Variants in PTCHD4 observed in about 807,000 individuals in gnomAD.
The protein encoded by PTCHD4 is patched domain containing 4.
In PTCHD4, 33 loss-of-function variants were observed where a neutral mutation model predicts 58.1. That is an observed-to-expected ratio of 0.57 (90% CI 0.43 to 0.76). The LOEUF (loss-of-function observed/expected upper bound fraction) is 0.76, where lower values mean the gene tolerates loss of function less well. Ranked by LOEUF, PTCHD4 falls within the 30% of genes least tolerant of loss-of-function variation. The probability of loss-of-function intolerance (pLI) is 0.00; values close to 1 mark genes in which losing one functional copy is unlikely to be tolerated. For missense variants in PTCHD4, 1,058 were observed against 1,027.1 expected, an observed-to-expected ratio of 1.03 and a Z score of -0.41; for synonymous variants, 478 against 409.6, an observed-to-expected ratio of 1.17 and a Z score of -2.02.
At position 47,878,190 on chromosome 6, in the gene PTCHD4, T is replaced by A. The variant is rs1763898214; in HGVS notation, c.*113A>T. The stretch of plus-strand genomic sequence containing the variant: ...AGTGTCATGAATAATGCACTCTTGA[T>A]CTGACTTGCCTTGTTACCCCTGGCC... On this transcript the variant is annotated 3_prime_UTR_variant, in exon 5 of 5. Transcript: ENST00000339488. 1.1e-6 allele frequency: 1 copy of A among 886,782 alleles called. No individual in the cohort carries two copies. The highest frequency in any genetic ancestry group is 1.7e-6 in the Non-Finnish European group (1 of 573,050). 54.9% of individuals were successfully genotyped at this position (886,782 alleles called of 1,614,324 possible). A position where few individuals can be genotyped will look rare whatever the true frequency, so the allele number is the denominator to read the frequency against.
In PTCHD4 at chr6:47,876,401, A is replaced by G. The variant is rs1763849269; in HGVS notation, c.*1902T>C. On this transcript the variant is annotated 3_prime_UTR_variant, in exon 5 of 5. Coordinates refer to ENST00000339488, the MANE Select transcript of PTCHD4 (RefSeq NM_001384253.1). ...GGTAAAACAAAACAAACTCCATTTA[A>G]TAAATGAAATATTACTTAAATGTTT... Among the ~76,000 whole-genome samples, 1 of 152,004 alleles carries G rather than the reference A, an allele frequency of 6.6e-6. No individual in the cohort carries two copies. The highest frequency in any genetic ancestry group is 2.1e-4 in the South Asian group (1 of 4,834).
At position 48,108,353 on chromosome 6, in the gene PTCHD4, A is replaced by C. The variant is rs528476139; in HGVS notation, c.-970+2696T>G. ...ATTCTCAGCAAACTATCGCAAGGAC[A>C]AAAAAACCAAACACCGCATGTTCTC... On this transcript the variant is annotated intron_variant, in intron 1 of 4. Coordinates refer to ENST00000339488, the MANE Select transcript of PTCHD4 (RefSeq NM_001384253.1). 4.6e-3 allele frequency among the ~76,000 whole-genome samples: 694 copies of C among 152,156 alleles called. 8 individuals are homozygous for C. The highest frequency in any genetic ancestry group is 0.016 in the African/African-American group (651 of 41,518).
At chr6:48,090,542 G>A (rs958603539) in intron 1 of PTCHD4, among the ~76,000 whole-genome samples, 1 of 152,098 alleles carries the variant, frequency 6.6e-6, no homozygotes, top group Admixed American at 6.5e-5. Flanking sequence ...ACTGAGACCT[G>A]CCTAATTCCA....
chr6:48,068,113 G>T lies in PTCHD4; in HGVS notation c.417+117C>A. ...CCCTGGCTGTTGTCTTATTGGAGAC[G>T]GCAGCCTGCCTGAGATCCTCTAGCA... On this transcript the variant is annotated intron_variant, in intron 3 of 4. Coordinates refer to ENST00000339488, the MANE Select transcript of PTCHD4 (RefSeq NM_001384253.1). The surrounding 1 kb of genome is among the most constrained non-coding windows in gnomAD (Gnocchi z 4.2). The T allele has an allele frequency of 8.8e-7, 1 of 1,133,796 alleles. No homozygotes were observed. Among genetic ancestry groups the T allele is most frequent in the Non-Finnish European group, 1.3e-6 (1 of 799,910 alleles). 70.2% of individuals were successfully genotyped at this position (1,133,796 alleles called of 1,614,324 possible).
chr6:47,959,999 A>G (rs1179312998), intron 4 of PTCHD4, among the ~76,000 whole-genome samples: 1 of 152,122 alleles, frequency 6.6e-6, no homozygotes, highest in Non-Finnish European at 1.5e-5. Context: ...AAAAAATATT[A>G]ACAATGTAGT....
At chr6:47,971,719 C>G (rs892736171) in intron 4 of PTCHD4, among the ~76,000 whole-genome samples, 2 of 152,090 alleles carry the variant, frequency 1.3e-5, no homozygotes, top group Non-Finnish European at 2.9e-5. Flanking sequence ...TCCATGTAAA[C>G]AAGAAGACTC....
intron 3 of PTCHD4, among the ~76,000 whole-genome samples, chr6:48,066,914 AG>A (rs1233723329): frequency 2.0e-5 from 3 of 152,050 alleles, no homozygotes; most frequent in Non-Finnish European, 4.4e-5. Flanking sequence ...CTCCTGAAAA[AG>A]GTTTTTTTTT....
intron 4 of PTCHD4, among the ~76,000 whole-genome samples, chr6:47,908,207 G>A (rs1286366522): frequency 6.6e-6 from 1 of 152,034 alleles, no homozygotes; most frequent in Non-Finnish European, 1.5e-5. Flanking sequence ...TCTAAAGAGG[G>A]ACTCAGCTAA....
chr6:47,996,403 A>C (rs1039373670), intron 4 of PTCHD4, among the ~76,000 whole-genome samples: 25 of 150,130 alleles, frequency 1.7e-4, no homozygotes, highest in Admixed American at 1.6e-3. Flanking sequence ...TGAACCCGGG[A>C]GGCAGGGCTT....
Position 47,999,982 on chromosome 6 carries a change from G to A in PTCHD4, c.898+8652C>T, listed in dbSNP as rs551521087. On this transcript the variant is annotated intron_variant, in intron 4 of 4. Transcript: ENST00000339488. ...TGCCCATCTGTGTTTTCTATACTCC[G>A]TGCTGTTGGCTAGCCAATAGAATGT... Among the ~76,000 whole-genome samples the A allele has an allele frequency of 8.5e-4, 130 of 152,162 alleles. 1 individual carries two copies. Among genetic ancestry groups the A allele is most frequent in the African/African-American group, 2.7e-3 (113 of 41,524 alleles).
rs1353349333 is a variant in PTCHD4, at chr6:48,068,528, A to C, written c.119T>G (p.Val40Gly). The C allele has an allele frequency of 6.2e-7, 1 of 1,611,244 alleles. No individual in the cohort carries two copies. Residue 40 changes from valine to glycine, a missense_variant, in exon 3 of 5, where the codon GTC (valine) becomes GGC (glycine). Val to Gly is a moderately radical substitution (Grantham distance 109). Coordinates refer to ENST00000339488, the MANE Select transcript of PTCHD4 (RefSeq NM_001384253.1). This position sits in a 1 kb window ranked among gnomAD's most constrained non-coding sequence, Gnocchi z 4.2. ...RLGLCVSRHP[V>G]FFLTVPAVLT... ...GACTGCGGGCACGGTGAGGAAAAAG[A>C]CCGGGTGCCGGCTCACGCACAAACC...
chr6:47,989,831 C>T (rs376452538), intron 4 of PTCHD4, among the ~76,000 whole-genome samples: 28 of 152,280 alleles, frequency 1.8e-4, no homozygotes, highest in South Asian at 1.0e-3. Flanking sequence ...GAGGCCCCAC[C>T]GGGGCACCAC....
chr6:48,036,882 C>T (rs946744805), intron 3 of PTCHD4, among the ~76,000 whole-genome samples: 1 of 152,160 alleles, frequency 6.6e-6, no homozygotes, highest in Non-Finnish European at 1.5e-5. Flanking sequence ...GCCACTGTGC[C>T]TGATAAGGGA....
Position 47,873,227 on chromosome 6 carries a change from T to C in PTCHD4, c.*5076A>G, listed in dbSNP as rs1261182538. 1.3e-5 allele frequency among the ~76,000 whole-genome samples: 2 copies of C among 151,756 alleles called. No individual in the cohort carries two copies. The highest frequency in any genetic ancestry group is 3.0e-5 in the Non-Finnish European group (2 of 67,794). ...TGCCTATGATCAAGTTTGCTAGCAGTTGAGAATCTATAGTTTTGCAACACC... is the reference window on the plus strand; with the variant it reads ...TGCCTATGATCAAGTTTGCTAGCAGCTGAGAATCTATAGTTTTGCAACACC... On this transcript the variant is annotated 3_prime_UTR_variant, in exon 5 of 5. Coordinates refer to ENST00000339488, the MANE Select transcript of PTCHD4 (RefSeq NM_001384253.1).
chr6:47,902,006 T>A, intron 4 of PTCHD4: 1 of 1,013,146 alleles, frequency 9.9e-7, no homozygotes, highest in Non-Finnish European at 1.4e-6. Context: ...TATTTCCCAC[T>A]TAGTATAGTA....
At chr6:48,021,726 G>A (rs1763079680) in intron 3 of PTCHD4, among the ~76,000 whole-genome samples, 1 of 152,042 alleles carries the variant, frequency 6.6e-6, no homozygotes, top group Non-Finnish European at 1.5e-5. Context: ...AAACAGTACT[G>A]TCATTTATGA....
chr6:48,005,959 T>C (rs1393407436), intron 4 of PTCHD4, among the ~76,000 whole-genome samples: 3 of 152,184 alleles, frequency 2.0e-5, no homozygotes, highest in African/African-American at 7.2e-5. Flanking sequence ...ATTTCACCAG[T>C]TCTCAATCTT....
intron 3 of PTCHD4, among the ~76,000 whole-genome samples, chr6:48,023,536 T>C (rs550970621): frequency 6.6e-6 from 1 of 152,294 alleles, no homozygotes; most frequent in Admixed American, 6.5e-5. Context: ...ATGCAGCTTC[T>C]TGCTATCACA....
chr6:48,091,760 CTTAG>C (rs1582130426), intron 1 of PTCHD4, among the ~76,000 whole-genome samples: 1 of 151,960 alleles, frequency 6.6e-6, no homozygotes, highest in East Asian at 1.9e-4. Context: ...AGTCTCCTGC[CTTAG>C]ACTCCTGAGT....
Sources: allele counts gnomAD v4.1 joint callset (sites outside exome capture counted in the v4.1 genomes callset), GRCh38; gene constraint gnomAD v4.1.1; non-coding constraint Gnocchi (gnomAD v3.1); transcripts MANE v1.5; gene names NCBI Gene and HGNC (gene_info 2026-07-23, HGNC 2026-07-21).